Variants in FNDC3B observed in about 807,000 individuals in gnomAD.
The protein encoded by FNDC3B is fibronectin type III domain containing 3B, also known as fibronectin type III domain-containing protein 3B.
Under a neutral mutation model 151.5 loss-of-function variants are expected in FNDC3B, and 12 were observed. The ratio of observed to expected loss-of-function variants is 0.08; its 90% CI spans 0.05 to 0.13. The LOEUF is 0.13. Among genes scored for constraint, FNDC3B ranks in the 10% least tolerant of loss-of-function variants. The pLI is 1.00. For missense variants in FNDC3B, 1,214 were observed against 1,505.3 expected, an observed-to-expected ratio of 0.81 and a Z score of 3.20; for synonymous variants, 528 against 549.0, an observed-to-expected ratio of 0.96 and a Z score of 0.54.
chr3:172,324,786 A>G (rs1040864187), intron 11 of FNDC3B, among the ~76,000 whole-genome samples: 3 of 152,248 alleles, frequency 2.0e-5, no homozygotes, highest in Non-Finnish European at 2.9e-5. Context: ...GGTCTGTTCC[A>G]GAATGATCAA....
chr3:172,330,797 T>A, intron 13 of FNDC3B, 82 bp downstream of exon 13: 1 of 1,104,638 alleles, frequency 9.1e-7, no homozygotes, highest in Non-Finnish European at 1.3e-6. Flanking sequence ...GAAATTAGAT[T>A]AACTGCATCA....
intron 3 of FNDC3B, among the ~76,000 whole-genome samples, chr3:172,145,811 CTTTTTTT>C (rs34361134): frequency 8.8e-6 from 1 of 114,176 alleles, no homozygotes; most frequent in Admixed American, 9.0e-5. Flanking sequence ...AGGTTTCTTT[CTTTTTTT>C]TTTTTTTTTT....
At chr3:172,203,863 C>T (rs909081594) in intron 3 of FNDC3B, among the ~76,000 whole-genome samples, 9 of 152,064 alleles carry the variant, frequency 5.9e-5, no homozygotes, top group East Asian at 1.9e-4. Flanking sequence ...TTTTTGGGCC[C>T]GAATGTGATT....
chr3:172,307,726 A>G (rs991028145), intron 10 of FNDC3B, among the ~76,000 whole-genome samples: 5 of 152,112 alleles, frequency 3.3e-5, no homozygotes, highest in African/African-American at 9.7e-5. Context: ...CATTTGAAAT[A>G]TTTTTTAGCA....
intron 3 of FNDC3B, among the ~76,000 whole-genome samples, chr3:172,154,018 C>T (rs1722360958): frequency 6.6e-6 from 1 of 152,116 alleles, no homozygotes; most frequent in Non-Finnish European, 1.5e-5. Context: ...CCTAGTTTTC[C>T]CTTCAGTGCT....
At chr3:172,159,618 T>A (rs958438878) in intron 3 of FNDC3B, among the ~76,000 whole-genome samples, 6 of 151,988 alleles carry the variant, frequency 3.9e-5, no homozygotes, top group South Asian at 2.1e-4. Context: ...TGAATATGAG[T>A]TAAGTAATTT....
intron 21 of FNDC3B, among the ~76,000 whole-genome samples, chr3:172,351,188 GACC>G (rs1733834636): frequency 6.6e-6 from 1 of 152,210 alleles, no homozygotes; most frequent in South Asian, 2.1e-4. Context: ...AAATGTGGAA[GACC>G]ACAGAGGAAG....
At chr3:172,100,321 A>G (rs1719320793) in intron 1 of FNDC3B, among the ~76,000 whole-genome samples, 1 of 152,196 alleles carries the variant, frequency 6.6e-6, no homozygotes, top group Non-Finnish European at 1.5e-5. Flanking sequence ...GTCATTGTTC[A>G]CAGGCAGTGT....
chr3:172,373,621 T>C (rs1258127626), intron 23 of FNDC3B, among the ~76,000 whole-genome samples: 1 of 152,184 alleles, frequency 6.6e-6, no homozygotes, highest in Non-Finnish European at 1.5e-5. Context: ...AGTTGTCTTT[T>C]AAAAAAGATA....
At chr3:172,248,163 A>G (rs1368732991) in intron 5 of FNDC3B, among the ~76,000 whole-genome samples, 1 of 152,150 alleles carries the variant, frequency 6.6e-6, no homozygotes, top group Non-Finnish European at 1.5e-5. Flanking sequence ...CATATGATCT[A>G]CCAGTTAAAG....
At chr3:172,318,079 C>T (rs1731900266) in intron 11 of FNDC3B, among the ~76,000 whole-genome samples, 1 of 152,222 alleles carries the variant, frequency 6.6e-6, no homozygotes, top group African/African-American at 2.4e-5. Flanking sequence ...CAAAAACCTT[C>T]CTTACTCATG....
chr3:172,154,363 G>C (rs575537930), intron 3 of FNDC3B, among the ~76,000 whole-genome samples: 1 of 152,014 alleles, frequency 6.6e-6, no homozygotes, highest in Admixed American at 6.5e-5. Context: ...CTACAGGTGC[G>C]TGCCACCATG....
rs73165316 is a variant in FNDC3B, at chr3:172,053,200, G to A, written c.-29+13429G>A. 2.0e-3 allele frequency among the ~76,000 whole-genome samples: 310 copies of A among 152,210 alleles called. 1 individual carries two copies. Among genetic ancestry groups the A allele is most frequent in the Non-Finnish European group, 3.8e-3 (256 of 68,016 alleles). On this transcript the variant is annotated intron_variant, in intron 1 of 25. Transcript: ENST00000415807. The stretch of plus-strand genomic sequence containing the variant: ...TCTGTAGGTGTTTCTAGTGTCCACC[G>A]CAGAAGCTGGTACATATTGAGTGCC...
chr3:172,282,778 A>G (rs919880604), intron 6 of FNDC3B, among the ~76,000 whole-genome samples: 1 of 152,154 alleles, frequency 6.6e-6, no homozygotes, highest in Non-Finnish European at 1.5e-5. Flanking sequence ...CTAGATCTCT[A>G]TTAACTCTTC....
intron 1 of FNDC3B, among the ~76,000 whole-genome samples, chr3:172,058,537 A>G (rs183401489): frequency 2.9e-4 from 43 of 148,992 alleles, no homozygotes; most frequent in African/African-American, 9.4e-4. Context: ...TGCTATTTTG[A>G]TATATTATTT....
rs956689039 is a variant in FNDC3B at position 172,056,438 on chromosome 3, G to A, written c.-29+16667G>A. Reference sequence around the variant, plus strand: ...GAGCCCTTGTCTATAGATAATAGCCGGTTACAATGTACAGTTTTCATATTT... The same window carrying A: ...GAGCCCTTGTCTATAGATAATAGCCAGTTACAATGTACAGTTTTCATATTT... On this transcript the variant is annotated intron_variant, in intron 1 of 25. Coordinates refer to ENST00000415807, the MANE Select transcript of FNDC3B (RefSeq NM_022763.4). Among the ~76,000 whole-genome samples the A allele has an allele frequency of 7.2e-5, 11 of 152,190 alleles. No individual in the cohort carries two copies. The South Asian group carries it at 1.2e-3, about 17-fold the overall frequency.
At chr3:172,270,380 C>T (rs758511834) in intron 6 of FNDC3B, among the ~76,000 whole-genome samples, 148 of 152,346 alleles carry the variant, frequency 9.7e-4, no homozygotes, top group Non-Finnish European at 1.9e-3. Flanking sequence ...CTGCCTGATG[C>T]GCCTTCTTCC....
At position 172,247,701 on chromosome 3, in the gene FNDC3B, G is replaced by A; in HGVS notation, c.433G>A (p.Val145Ile). The A allele has an allele frequency of 6.2e-7, 1 of 1,613,992 alleles. No homozygotes were observed. Among genetic ancestry groups the A allele is most frequent in the South Asian group, 1.1e-5 (1 of 91,068 alleles). The stretch of plus-strand genomic sequence containing the variant: ...CTCACACACGGCTTACTACCCACCT[G>A]TTACCGGACCTGGAGATATGCCGCC... Reference protein sequence around the residue: ...HNSHTAYYPPVTGPGDMPPQF... With the variant: ...HNSHTAYYPPITGPGDMPPQF... The change falls in exon 5 of 26, where the codon GTT becomes ATT. Residue 145 changes from valine to isoleucine, a missense_variant. Transcript: ENST00000415807.
intron 2 of FNDC3B, among the ~76,000 whole-genome samples, chr3:172,129,164 G>GT (rs1407979989): frequency 6.6e-6 from 1 of 152,124 alleles, no homozygotes; most frequent in African/African-American, 2.4e-5. Context: ...TAGATATGGA[G>GT]TCTCACTATG....
Sources: allele counts gnomAD v4.1 joint callset (sites outside exome capture counted in the v4.1 genomes callset), GRCh38; gene constraint gnomAD v4.1.1; transcripts MANE v1.5; gene names NCBI Gene and HGNC (gene_info 2026-07-23, HGNC 2026-07-21).